The following LCP2 variants were observed in gnomAD, a reference collection of about 807,000 sequenced individuals.
The protein encoded by LCP2 is 76 kDa tyrosine phosphoprotein.
LCP2 carries 29 observed loss-of-function variants against 74.5 expected under a neutral mutation model. That is an observed-to-expected ratio of 0.39 (90% confidence interval 0.29 to 0.53). The LOEUF (loss-of-function observed/expected upper bound fraction) is 0.53. Among genes scored for constraint, LCP2 ranks in the 20% least tolerant of loss-of-function variants. The probability of loss-of-function intolerance (pLI) is 0.72; values close to 1 mark genes in which losing one functional copy is unlikely to be tolerated. For synonymous variants in LCP2, 228 were observed against 229.5 expected, an observed-to-expected ratio of 0.99 and a Z score of 0.06; for missense variants, 604 against 634.6, an observed-to-expected ratio of 0.95 and a Z score of 0.52.
chr5:170,259,342 C>T (rs1161190464), intron 14 of LCP2, among the ~76,000 whole-genome samples: 1 of 152,152 alleles, frequency 6.6e-6, no homozygotes, highest in African/African-American at 2.4e-5. Context: ...CTGACCAAAG[C>T]TCAGTCTTCT....
In LCP2 at chr5:170,268,406, TGG is replaced by T; in HGVS notation, c.598_599del (p.Pro200ThrfsTer51). On this transcript the variant is annotated frameshift_variant, in exon 8 of 21. Transcript: ENST00000046794. LOFTEE classifies it high-confidence loss of function. ...PQRPMAALPP[P>X]PAGRNHSPLP... ...CTACCGAGTGATTCCGGCCGGCTGG[TGG>T]GGGCGGGAGGGCGGCCATCGGTCTC... 2.1e-6 allele frequency: 1 copy of T among 466,514 alleles called. No individual in the cohort carries two copies. Among genetic ancestry groups the T allele is most frequent in the Non-Finnish European group, 2.6e-6 (1 of 386,232 alleles). The allele number at this position is 466,514 out of a possible 1,614,324, so 28.9% of individuals were successfully genotyped here.
chr5:170,283,768 C>T (rs950128058), intron 3 of LCP2, among the ~76,000 whole-genome samples: 4 of 152,184 alleles, frequency 2.6e-5, no homozygotes, highest in Non-Finnish European at 4.4e-5. Flanking sequence ...GCCCCACTGC[C>T]GCTCCACCAG....
rs1362086662 is a variant in LCP2, at chr5:170,262,751, T to C, written c.819-9A>G. 6.2e-7 allele frequency: 1 copy of C among 1,613,502 alleles called. No homozygotes were observed. The highest frequency in any genetic ancestry group is 1.1e-5 in the South Asian group (1 of 91,068). On this transcript the variant is annotated splice_polypyrimidine_tract_variant and intron_variant, in intron 12 of 20. Transcript: ENST00000046794. ...AATGCTCCCCGAGTGACCTGTGGAG[T>C]TCAGGAAAAGGATGTGTAAGAAACA...
At chr5:170,263,046 G>A in intron 10 of LCP2, 54 bp from the exon 11 acceptor site, 2 of 1,592,228 alleles carry the variant, frequency 1.3e-6, no homozygotes, top group East Asian at 2.2e-5. Flanking sequence ...ATAAGCATGA[G>A]GTTTAAAAAC....
At chr5:170,291,360 T>C (rs1762293965) in intron 2 of LCP2, among the ~76,000 whole-genome samples, 13 of 152,264 alleles carry the variant, frequency 8.5e-5, no homozygotes, top group Admixed American at 7.8e-4. Context: ...CGTCCCAAAT[T>C]GTACCCAGTG....
intron 10 of LCP2, among the ~76,000 whole-genome samples, chr5:170,266,157 T>G (rs1259815648): frequency 6.6e-6 from 1 of 152,192 alleles, no homozygotes; most frequent in Non-Finnish European, 1.5e-5. Flanking sequence ...AAGAATTGAA[T>G]TGAAAATAGC....
At chr5:170,276,185 A>G (rs770463235) in intron 3 of LCP2, among the ~76,000 whole-genome samples, 4 of 152,192 alleles carry the variant, frequency 2.6e-5, no homozygotes, top group Non-Finnish European at 4.4e-5. Flanking sequence ...TCCAAAAATC[A>G]GGAGCCTTAG....
intron 8 of LCP2, among the ~76,000 whole-genome samples, chr5:170,267,958 G>A (rs755590603): frequency 6.6e-6 from 1 of 152,176 alleles, no homozygotes; most frequent in Non-Finnish European, 1.5e-5. Context: ...GGACCGGGCT[G>A]TATGCTCGAA....
chr5:170,277,743 CAAAAAA>C (rs371915364), intron 3 of LCP2, among the ~76,000 whole-genome samples: 76 of 117,680 alleles, frequency 6.5e-4, no homozygotes, highest in Non-Finnish European at 8.4e-4. Context: ...AACTTCGTCT[CAAAAAA>C]AAAAAAAAAA....
At position 170,269,585 on chromosome 5, in the gene LCP2, C is replaced by A. The variant is rs529984231; in HGVS notation, c.524-1103G>T. ...ACCACATCCATTTCCACTTGGCCAA[C>A]TTGTATTTATCCTTTAACCTTGGTT... is the stretch of plus-strand genomic sequence containing the variant. On this transcript the variant is annotated intron_variant, in intron 7 of 20. Coordinates refer to ENST00000046794, the MANE Select transcript of LCP2 (RefSeq NM_005565.5). Among the ~76,000 whole-genome samples the A allele has an allele frequency of 2.0e-5, 3 of 152,374 alleles. No homozygotes were observed. In the East Asian group the frequency reaches 5.8e-4, roughly 29 times the overall value.
chr5:170,269,402 C>T (rs952361722), intron 7 of LCP2, among the ~76,000 whole-genome samples: 2 of 152,182 alleles, frequency 1.3e-5, no homozygotes, highest in South Asian at 2.1e-4. Flanking sequence ...AGGTGCAGCT[C>T]TTCCACAGGG....
chr5:170,275,214 A>G (rs1653112221), intron 5 of LCP2, 106 bp downstream of exon 5: 1 of 1,212,616 alleles, frequency 8.2e-7, no homozygotes, highest in Non-Finnish European at 1.2e-6. Flanking sequence ...ACAAGTCAGT[A>G]AGGTCACCTG....
intron 3 of LCP2, among the ~76,000 whole-genome samples, chr5:170,278,316 G>T (rs1187100759): frequency 9.2e-6 from 1 of 108,398 alleles, no homozygotes; most frequent in Admixed American, 9.2e-5. Flanking sequence ...ATGCAGAGTG[G>T]GGGGCTGGGG....
chr5:170,280,192 G>A (rs1762076676), intron 3 of LCP2, among the ~76,000 whole-genome samples: 1 of 152,046 alleles, frequency 6.6e-6, no homozygotes, highest in South Asian at 2.1e-4. Context: ...CCCACAGTGG[G>A]AGCCTTATTC....
intron 14 of LCP2, among the ~76,000 whole-genome samples, chr5:170,260,315 C>G (rs1001512898): frequency 2.0e-5 from 3 of 152,220 alleles, no homozygotes; most frequent in African/African-American, 7.2e-5. Context: ...AGCACAGCAT[C>G]TAGCACAGAG....
chr5:170,249,414 A>G (rs1019040662), intron 20 of LCP2, among the ~76,000 whole-genome samples: 17 of 150,880 alleles, frequency 1.1e-4, no homozygotes, highest in African/African-American at 3.9e-4. Context: ...ATGTAATTTG[A>G]AATGCATATA....
In LCP2 at chr5:170,266,990, G is replaced by C; in HGVS notation, c.688+19C>G. 1 of 1,613,844 alleles carries C rather than the reference G, an allele frequency of 6.2e-7. No homozygotes were observed. Among genetic ancestry groups the C allele is most frequent in the Non-Finnish European group, 8.5e-7 (1 of 1,179,758 alleles). ...TGCCTGGTGGGAACAGGGCAAGAGA[G>C]AGCAGCCCTTGTACTCACGCTTTGC... On this transcript the variant is annotated intron_variant, in intron 9 of 20. Coordinates refer to ENST00000046794, the MANE Select transcript of LCP2 (RefSeq NM_005565.5).
chr5:170,264,596 A>G (rs1197525144), intron 10 of LCP2, among the ~76,000 whole-genome samples: 1 of 152,220 alleles, frequency 6.6e-6, no homozygotes, highest in African/African-American at 2.4e-5. Flanking sequence ...CCAGGAGTTC[A>G]AGATCAGCCT....
At chr5:170,281,303 G>A (rs571120592) in intron 3 of LCP2, among the ~76,000 whole-genome samples, 13 of 151,266 alleles carry the variant, frequency 8.6e-5, no homozygotes, top group African/African-American at 2.4e-4. Context: ...TTTTTGAGAC[G>A]GAGTCTTGCT....
Sources: allele counts gnomAD v4.1 joint callset (sites outside exome capture counted in the v4.1 genomes callset), GRCh38; gene constraint gnomAD v4.1.1; transcripts MANE v1.5; gene names NCBI Gene and HGNC (gene_info 2026-07-23, HGNC 2026-07-21).